The following LCMT2 variants were observed in gnomAD, a reference collection of about 807,000 sequenced individuals.
LCMT2 encodes tRNA wybutosine-synthesizing protein 4.
LCMT2 carries 34 observed loss-of-function variants against 42.0 expected under a neutral mutation model. The observed-to-expected ratio is 0.81, with a 90% CI of 0.62 to 1.08. LCMT2 has a LOEUF of 1.08. LCMT2 is among the 50% of genes least tolerant of loss of function. The pLI is 0.00. For synonymous variants in LCMT2, 445 were observed against 369.5 expected (o/e 1.20, Z -2.34); for missense variants, 1,091 against 889.4 (o/e 1.23, Z -2.88).
At position 43,330,357 on chromosome 15, in the gene LCMT2, C is replaced by G. The variant is rs758247413; in HGVS notation, c.133G>C (p.Ala45Pro). 4.7e-5 allele frequency: 76 copies of G among 1,603,912 alleles called. No individual in the cohort carries two copies. The highest frequency in any genetic ancestry group is 6.0e-5 in the Non-Finnish European group (71 of 1,178,546). ...TGAATGAGCGGTGCGCGGCGCGCCG[C>G]GCCCGGAACCAGCAACGCGGCAAAG... Reference protein sequence around the residue: ...DPFAALLVPGAARRAPLIHRG... With the variant: ...DPFAALLVPGPARRAPLIHRG... The change falls in exon 1 of 1, where the codon GCG becomes CCG. Residue 45 changes from alanine to proline, a missense_variant. Ala to Pro is a conservative substitution (Grantham distance 27). Coordinates refer to ENST00000305641, the MANE Select transcript of LCMT2 (RefSeq NM_014793.5).
In LCMT2 at chr15:43,325,373, T is replaced by G. The variant is rs2043112506; in HGVS notation, c.*3056A>C. Reference sequence around the variant, plus strand: ...GGCTCACACCTCCAACTGTGCAGATTACTGTTAATGAAACTGTGGTTCAAC... The same window carrying G: ...GGCTCACACCTCCAACTGTGCAGATGACTGTTAATGAAACTGTGGTTCAAC... On this transcript the variant is annotated 3_prime_UTR_variant, in exon 1 of 1. Coordinates refer to ENST00000305641, the MANE Select transcript of LCMT2 (RefSeq NM_014793.5). 2 of 152,296 alleles carry G rather than the reference T, an allele frequency of 1.3e-5. No homozygotes were observed. Among genetic ancestry groups the G allele is most frequent in the African/African-American group, 4.8e-5 (2 of 41,560 alleles). 9.4% of individuals were successfully genotyped at this position (152,296 alleles called of 1,614,324 possible). A position where few individuals can be genotyped will look rare whatever the true frequency, so the allele number is the denominator to read the frequency against.
In LCMT2 at chr15:43,325,670, A is replaced by G. The variant is rs2043113988; in HGVS notation, c.*2759T>C. 1 of 152,210 alleles carries G rather than the reference A, an allele frequency of 6.6e-6. No homozygotes were observed. The highest frequency in any genetic ancestry group is 1.5e-5 in the Non-Finnish European group (1 of 68,050). The allele number at this position is 152,210 out of a possible 1,614,324, so 9.4% of individuals were successfully genotyped here. On this transcript the variant is annotated 3_prime_UTR_variant, in exon 1 of 1. Transcript: ENST00000305641. ...ATTGCACTCCTAATTTAGGTCTGGC[A>G]CACGTCCACATTCTCTAGATGACCT...
At position 43,330,405 on chromosome 15, in the gene LCMT2, C is replaced by A; in HGVS notation, c.85G>T (p.Ala29Ser). The change falls in exon 1 of 1, where the codon GCG becomes TCG. Residue 29 changes from alanine (A) to serine (S), a missense_variant. Transcript: ENST00000305641. ...AAGGGGTCCTGCACGTACCCGCGCG[C>A]GGCCAGGGAACGCTTGCTGAGGGCG... ...SSALSKRSLA[A>S]RGYVQDPFAA... 1 of 1,576,802 alleles carries A rather than the reference C, an allele frequency of 6.3e-7. No homozygotes were observed. Among genetic ancestry groups the A allele is most frequent in the Non-Finnish European group, 8.6e-7 (1 of 1,169,154 alleles).
rs775912738 is a variant in LCMT2 at position 43,329,353 on chromosome 15, C to G, written c.1137G>C (p.Gln379His). 3 of 1,614,050 alleles carry G rather than the reference C, an allele frequency of 1.9e-6. No individual in the cohort carries two copies. Among genetic ancestry groups the G allele is most frequent in the Non-Finnish European group, 2.5e-6 (3 of 1,180,044 alleles). The change falls in exon 1 of 1, where the codon CAG (glutamine) becomes CAC (histidine). Residue 379 changes from glutamine (Q) to histidine (H), a missense_variant. Transcript: ENST00000305641. ...GGCTCACTCGGCAGTGCCGCCCCTC[C>G]TGCTCTCCAAATCCTCCTGCACTGA... ...VILSAGGFGE[Q>H]EGRHCRVSQF... is the part of the protein sequence containing the mutation.
In LCMT2 at chr15:43,329,720, C is replaced by T. The variant is rs756561484; in HGVS notation, c.770G>A (p.Arg257His). The T allele has an allele frequency of 6.2e-7, 1 of 1,613,280 alleles. No homozygotes were observed. Among genetic ancestry groups the T allele is most frequent in the Non-Finnish European group, 8.5e-7 (1 of 1,179,784 alleles). ...GGCGGTCCAGCCAGCTTGAAGGAAG[C>T]GGCGCCGCTGCGCCTCCACGTCAGG... Reference protein sequence around the residue: ...RFPDVEAQRRRFLQAGWTACG... With the variant: ...RFPDVEAQRRHFLQAGWTACG... Residue 257 changes from arginine to histidine, a missense_variant, in exon 1 of 1, where the codon CGC becomes CAC. Coordinates refer to ENST00000305641, the MANE Select transcript of LCMT2 (RefSeq NM_014793.5).
In LCMT2 at chr15:43,330,051, CG is replaced by C; in HGVS notation, c.438del (p.Ala147ArgfsTer45). 1 of 1,612,492 alleles carries C rather than the reference CG, an allele frequency of 6.2e-7. No individual in the cohort carries two copies. The highest frequency in any genetic ancestry group is 8.5e-7 in the Non-Finnish European group (1 of 1,179,946). On this transcript the variant is annotated frameshift_variant, in exon 1 of 1. Transcript: ENST00000305641. LOFTEE classifies it high-confidence loss of function. ...TAGTCTGCGCTCTCAAAGCACAGCG[CG>C]GACGCGGGCTCCCCCCTCTCGAAAG... ...TGPFERGEPASALCFESADYC... is the reference protein window; with the variant it reads ...TGPFERGEPAXALCFESADYC...
Position 43,325,612 on chromosome 15 carries a change from C to A in LCMT2, c.*2817G>T, listed in dbSNP as rs941246135. On this transcript the variant is annotated 3_prime_UTR_variant, in exon 1 of 1. Coordinates refer to ENST00000305641, the MANE Select transcript of LCMT2 (RefSeq NM_014793.5). ...AACAAGCCCTGTTACTCATAAGGCG[C>A]CCTAATGGACAGTGCTCAAGAGAAT... The A allele has an allele frequency of 1.3e-5, 2 of 152,124 alleles. No individual in the cohort carries two copies. Among genetic ancestry groups the A allele is most frequent in the Non-Finnish European group, 2.9e-5 (2 of 68,034 alleles). 9.4% of individuals were successfully genotyped at this position (152,124 alleles called of 1,614,324 possible).
chr15:43,329,636 C>A lies in LCMT2; in HGVS notation c.854G>T (p.Arg285Leu). ...YHCFLPAEER[R>L]RVENIEPFDE... ...AAAGGGTTCAATATTTTCCACCCGCCGGCGTTCTTCTGCGGGAAGAAAGCA... is the reference window on the plus strand; with the variant it reads ...AAAGGGTTCAATATTTTCCACCCGCAGGCGTTCTTCTGCGGGAAGAAAGCA... The change falls in exon 1 of 1, where the codon CGG becomes CTG. Residue 285 changes from arginine (R) to leucine (L), a missense_variant. Physicochemically the swap from Arg to Leu is moderately radical, Grantham distance 102. Coordinates refer to ENST00000305641, the MANE Select transcript of LCMT2 (RefSeq NM_014793.5). 2.5e-6 allele frequency: 4 copies of A among 1,614,012 alleles called. No individual in the cohort carries two copies. Among genetic ancestry groups the A allele is most frequent in the Non-Finnish European group, 2.5e-6 (3 of 1,180,034 alleles).
Position 43,330,119 on chromosome 15 carries a change from T to C in LCMT2, c.371A>G (p.Glu124Gly). The C allele has an allele frequency of 6.2e-7, 1 of 1,611,976 alleles. No individual in the cohort carries two copies. The highest frequency in any genetic ancestry group is 8.5e-7 in the Non-Finnish European group (1 of 1,179,898). Reference protein sequence around the residue: ...DFPDVARRKAERIGETPELCA... With the variant: ...DFPDVARRKAGRIGETPELCA... ...CAGCTCTGGCGTCTCTCCAATCCTT[T>C]CTGCTTTGCGCCGCGCCACGTCCGG... Residue 124 changes from glutamate to glycine, a missense_variant, in exon 1 of 1, where the codon GAA (glutamate) becomes GGA (glycine). Transcript: ENST00000305641.
rs772814333 is a variant in LCMT2, at chr15:43,330,380, A to G, written c.110T>C (p.Phe37Ser). 2.7e-5 allele frequency: 43 copies of G among 1,604,232 alleles called. No homozygotes were observed. The highest frequency in any genetic ancestry group is 2.6e-4 in the Admixed American group (15 of 57,942). Residue 37 changes from phenylalanine to serine, a missense_variant, in exon 1 of 1, where the codon TTT becomes TCT. Phe to Ser is a radical substitution (Grantham distance 155). Transcript: ENST00000305641. ...CGCGCCCGGAACCAGCAACGCGGCA[A>G]AGGGGTCCTGCACGTACCCGCGCGC... ...LAARGYVQDP[F>S]AALLVPGAAR...
rs779287361 is a variant in LCMT2 at position 43,328,409 on chromosome 15, C to T, written c.*20G>A. The T allele has an allele frequency of 1.0e-5, 16 of 1,601,500 alleles. No individual in the cohort carries two copies. In the African/African-American group the frequency reaches 1.9e-4, roughly 19 times the overall value. ...AACTTTATTGTCTACTTTAGTGGGT[C>T]CTGAATATTAGTCCAGTCCTTACTG... is the stretch of plus-strand genomic sequence containing the variant. On this transcript the variant is annotated 3_prime_UTR_variant, in exon 1 of 1. Transcript: ENST00000305641.
rs2043113318 is a variant in LCMT2, at chr15:43,325,554, C to T, written c.*2875G>A. ...GAGGGCATGCTTAATCTGGTAATCA[C>T]TTATAGGAAATGTGGGTAATTTCTC... On this transcript the variant is annotated 3_prime_UTR_variant, in exon 1 of 1. Coordinates refer to ENST00000305641, the MANE Select transcript of LCMT2 (RefSeq NM_014793.5). 1 of 152,156 alleles carries T rather than the reference C, an allele frequency of 6.6e-6. No homozygotes were observed. Among genetic ancestry groups the T allele is most frequent in the South Asian group, 2.1e-4 (1 of 4,830 alleles). The allele number at this position is 152,156 out of a possible 1,614,324, so 9.4% of individuals were successfully genotyped here. A position where few individuals can be genotyped will look rare whatever the true frequency, so the allele number is the denominator to read the frequency against.
In LCMT2 at chr15:43,330,329, C is replaced by T. The variant is rs761343841; in HGVS notation, c.161G>A (p.Arg54Gln). The change falls in exon 1 of 1, where the codon CGA (arginine) becomes CAA (glutamine). Residue 54 changes from arginine (R) to glutamine (Q), a missense_variant. By Grantham distance (43) the Arg-to-Gln change is conservative. Transcript: ENST00000305641. ...GGCGCGTGCGCGGACGTAGTAGCCT[C>T]GGTGAATGAGCGGTGCGCGGCGCGC... The part of the protein sequence containing the change: ...GAARRAPLIH[R>Q]GYYVRARAVR... 4 of 1,602,504 alleles carry T rather than the reference C, an allele frequency of 2.5e-6. No homozygotes were observed. The highest frequency in any genetic ancestry group is 1.1e-5 in the South Asian group (1 of 90,666).
Position 43,329,001 on chromosome 15 carries a change from C to G in LCMT2, c.1489G>C (p.Val497Leu). The G allele has an allele frequency of 6.2e-7, 1 of 1,614,174 alleles. No individual in the cohort carries two copies. Among genetic ancestry groups the G allele is most frequent in the Non-Finnish European group, 8.5e-7 (1 of 1,180,036 alleles). The change falls in exon 1 of 1, where the codon GTG becomes CTG. Residue 497 changes from valine to leucine, a missense_variant. Physicochemically the swap from Val to Leu is conservative, Grantham distance 32 (BLOSUM62 1). Transcript: ENST00000305641. ...TCCACCACGCTTCGACCCCCATACACAAACAAATATTCCTGATTCTGACAG... is the reference window on the plus strand; with the variant it reads ...TCCACCACGCTTCGACCCCCATACAGAAACAAATATTCCTGATTCTGACAG... ...VSCQNQEYLF[V>L]YGGRSVVEPV...
rs57402275 is a variant in LCMT2, at chr15:43,326,453, CT to C, written c.*1975del. On this transcript the variant is annotated 3_prime_UTR_variant, in exon 1 of 1. Coordinates refer to ENST00000305641, the MANE Select transcript of LCMT2 (RefSeq NM_014793.5). ...AGGAAAGCTGAAGTTGGACAACAAC[CT>C]TTTTTTTTTTTCTTTTTAAGAGACG... 21,455 of 146,722 alleles carry C rather than the reference CT, an allele frequency of 0.15. 1,754 individuals are homozygous for C. Among genetic ancestry groups the C allele is most frequent in the Middle Eastern group, 0.26 (77 of 292 alleles). The allele number at this position is 146,722 out of a possible 1,614,324, so 9.1% of individuals were successfully genotyped here. A position where few individuals can be genotyped will look rare whatever the true frequency, so the allele number is the denominator to read the frequency against.
In LCMT2 at chr15:43,329,213, G is replaced by C. The variant is rs2043144621; in HGVS notation, c.1277C>G (p.Ser426Ter). Residue 426 changes from serine to a stop codon, truncating the protein, a stop_gained, in exon 1 of 1, where the codon TCA becomes TGA. Transcript: ENST00000305641. LOFTEE classifies it high-confidence loss of function. ...GRLYHTMTRLSESRVLVLGGR... is the reference protein window; with the variant it reads ...GRLYHTMTRL ...TCCCAGAACCAGAACCCGACTCTCT[G>C]AGAGTCTTGTCATGGTGTGATAAAG... The C allele has an allele frequency of 1.9e-6, 3 of 1,614,024 alleles. No homozygotes were observed. The highest frequency in any genetic ancestry group is 2.7e-5 in the African/African-American group (2 of 75,044).
At position 43,330,228 on chromosome 15, in the gene LCMT2, G is replaced by C. The variant is rs767142789; in HGVS notation, c.262C>G (p.Leu88Val). The C allele has an allele frequency of 1.2e-6, 2 of 1,610,654 alleles. No homozygotes were observed. The highest frequency in any genetic ancestry group is 3.3e-5 in the Admixed American group (2 of 59,726). The part of the protein sequence containing the change: ...QAALRAQILS[L>V]GAGFDSLYFR... ...TAGAGCGAGTCGAAGCCAGCGCCGAGAGACAAGATCTGCGCGCGAAGCGCG... is the reference window on the plus strand; with the variant it reads ...TAGAGCGAGTCGAAGCCAGCGCCGACAGACAAGATCTGCGCGCGAAGCGCG... Residue 88 changes from leucine (L) to valine (V), a missense_variant, in exon 1 of 1, where the codon CTC (leucine) becomes GTC (valine). Coordinates refer to ENST00000305641, the MANE Select transcript of LCMT2 (RefSeq NM_014793.5).
In LCMT2 at chr15:43,329,335, T is replaced by G. The variant is rs1258332185; in HGVS notation, c.1155A>C (p.Arg385=). 6.2e-7 allele frequency: 1 copy of G among 1,614,130 alleles called. No homozygotes were observed. Among genetic ancestry groups the G allele is most frequent in the Non-Finnish European group, 8.5e-7 (1 of 1,180,036 alleles). ...TTGAGAGCAAGTGAAACTGGCTCACTCGGCAGTGCCGCCCCTCCTGCTCTC... is the reference window on the plus strand; with the variant it reads ...TTGAGAGCAAGTGAAACTGGCTCACGCGGCAGTGCCGCCCCTCCTGCTCTC... ...GFGEQEGRHC[R]VSQFHLLSRD... is the part of the protein sequence containing the mutation. Residue 385 remains arginine (R), a synonymous_variant, in exon 1 of 1, where the codon CGA becomes CGC. Coordinates refer to ENST00000305641, the MANE Select transcript of LCMT2 (RefSeq NM_014793.5).
Position 43,329,520 on chromosome 15 carries a change from G to C in LCMT2, c.970C>G (p.Pro324Ala). The C allele has an allele frequency of 6.2e-7, 1 of 1,614,192 alleles. No individual in the cohort carries two copies. The highest frequency in any genetic ancestry group is 8.5e-7 in the Non-Finnish European group (1 of 1,180,030). Residue 324 changes from proline (P) to alanine (A), a missense_variant, in exon 1 of 1, where the codon CCA becomes GCA. Physicochemically the swap from Pro to Ala is conservative, Grantham distance 27. Transcript: ENST00000305641. ...ACGCGAGGAAATGCCTCTGAGGATG[G>C]AAACACTAGGGTGTGGGAGAGGGTG... ...GDTLSHTLVF[P>A]SSEAFPRVNP...
Sources: allele counts gnomAD v4.1 joint callset, GRCh38; gene constraint gnomAD v4.1.1; transcripts MANE v1.5; gene names NCBI Gene and HGNC (gene_info 2026-07-23, HGNC 2026-07-21).